The following CAPN8 variants were observed in gnomAD, a reference collection of about 807,000 sequenced individuals.
CAPN8 encodes calpain-8.
Under a neutral mutation model 80.9 loss-of-function variants are expected in CAPN8, and 87 were observed. That is an observed-to-expected ratio of 1.07 (90% CI 0.90 to 1.28). The LOEUF is 1.28. Ranked by LOEUF, CAPN8 falls within the 50% of genes most tolerant of loss-of-function variation. The pLI is 0.00. For synonymous variants in CAPN8, 299 were observed against 273.8 expected (o/e 1.09, Z -0.91); for missense variants, 757 against 702.0 (o/e 1.08, Z -0.89).
chr1:223,620,279 C>T lies in CAPN8; in HGVS notation c.900-13G>A, dbSNP rs1172479476. ...CCACTCTGGTGCACTGAGGGGAAAA[C>T]AAGCAGAGATGCTCGCTCCTGAGAG... On this transcript the variant is annotated splice_polypyrimidine_tract_variant and intron_variant, in intron 7 of 20. Transcript: ENST00000366872. 1 of 1,550,814 alleles carries T rather than the reference C, an allele frequency of 6.4e-7. No individual in the cohort carries two copies. The highest frequency in any genetic ancestry group is 8.7e-7 in the Non-Finnish European group (1 of 1,146,276).
rs1267415003 is a variant in CAPN8 at position 223,544,049 on chromosome 1, G to A, written c.2029+18C>T. Reference sequence around the variant, plus strand: ...CCTTGGGATTAATAGGATGGGGCTGGAGGACAGAGTGACTCACTGAAGAGG... The same window carrying A: ...CCTTGGGATTAATAGGATGGGGCTGAAGGACAGAGTGACTCACTGAAGAGG... On this transcript the variant is annotated intron_variant, in intron 19 of 20. Transcript: ENST00000366872. 1.4e-6 allele frequency: 1 copy of A among 717,330 alleles called. No homozygotes were observed. Among genetic ancestry groups the A allele is most frequent in the Non-Finnish European group, 2.6e-6 (1 of 385,034 alleles). The allele number at this position is 717,330 out of a possible 1,614,324, so 44.4% of individuals were successfully genotyped here.
Position 223,627,109 on chromosome 1 carries a change from C to T in CAPN8, c.609G>A (p.Gly203=), listed in dbSNP as rs1385276873. The T allele has an allele frequency of 3.2e-6, 5 of 1,552,260 alleles. No homozygotes were observed. Among genetic ancestry groups the T allele is most frequent in the Non-Finnish European group, 3.5e-6 (4 of 1,147,146 alleles). Residue 203 remains glycine (G), a synonymous_variant, in exon 5 of 21, where the codon GGG becomes GGA. Coordinates refer to ENST00000366872, the MANE Select transcript of CAPN8 (RefSeq NM_001143962.2). ...AGATGCCACCTGTGAAATCCTCAAA[C>T]CCCTCCACTGTGGAACCTCCAGCGA... The part of the protein sequence containing the change: ...EALAGGSTVE[G]FEDFTGGISE...
chr1:223,639,983 G>A (rs1658005329), intron 2 of CAPN8, among the ~76,000 whole-genome samples: 1 of 152,166 alleles, frequency 6.6e-6, no homozygotes, highest in African/African-American at 2.4e-5. Flanking sequence ...TGAAATACAT[G>A]CCTTAGATCT....
chr1:223,621,466 A>G (rs1395625794), intron 7 of CAPN8, among the ~76,000 whole-genome samples: 1 of 152,158 alleles, frequency 6.6e-6, no homozygotes, highest in Admixed American at 6.5e-5. Flanking sequence ...AGCCCTTTGG[A>G]CAGCTCGGTA....
intron 1 of CAPN8, among the ~76,000 whole-genome samples, chr1:223,664,254 C>G (rs959563260): frequency 6.6e-6 from 1 of 152,222 alleles, no homozygotes; most frequent in Admixed American, 6.5e-5. Context: ...TCCCACCTCT[C>G]CACTCACCAG....
chr1:223,620,451 G>C (rs563947118), intron 7 of CAPN8, among the ~76,000 whole-genome samples, 185 bp from the exon 8 acceptor site: 1 of 152,296 alleles, frequency 6.6e-6, no homozygotes, highest in East Asian at 1.9e-4. Context: ...CACAGACCCA[G>C]GACACGGACT....
intron 2 of CAPN8, among the ~76,000 whole-genome samples, chr1:223,629,412 A>C (rs1308148416): frequency 6.6e-6 from 1 of 152,218 alleles, no homozygotes; most frequent in African/African-American, 2.4e-5. Context: ...AAGAAATAAA[A>C]GTCAAGAGAG....
At chr1:223,616,927 T>G (rs1657208568) in intron 9 of CAPN8, 1 of 152,264 alleles carries the variant, frequency 6.6e-6, no homozygotes, top group African/African-American at 2.4e-5. Context: ...TGGCTTTTTT[T>G]AAATCTCTCA....
chr1:223,662,842 A>T (rs1658683206), intron 1 of CAPN8, among the ~76,000 whole-genome samples: 1 of 152,220 alleles, frequency 6.6e-6, no homozygotes, highest in Non-Finnish European at 1.5e-5. Flanking sequence ...CATTCAATGC[A>T]TGTTCCTCAT....
chr1:223,549,194 C>A, intron 16 of CAPN8, 124 bp downstream of exon 16: 1 of 1,244,402 alleles, frequency 8.0e-7, no homozygotes, highest in Non-Finnish European at 1.1e-6. Flanking sequence ...ACATATGCTC[C>A]ATGCCTGCTC....
chr1:223,621,632 T>C (rs1345704633), intron 7 of CAPN8, among the ~76,000 whole-genome samples: 2 of 152,126 alleles, frequency 1.3e-5, no homozygotes, highest in Non-Finnish European at 2.9e-5. Context: ...TGTGTGGCCC[T>C]AGAGACACGT....
At chr1:223,543,305 C>A in intron 19 of CAPN8, 139 bp from the exon 20 acceptor site, 3 of 1,023,728 alleles carry the variant, frequency 2.9e-6, no homozygotes, top group Non-Finnish European at 4.2e-6. Flanking sequence ...CCAGCCCCCA[C>A]CTAGGCCCAG....
intron 7 of CAPN8, 66 bp from the exon 8 acceptor site, chr1:223,620,332 T>C: frequency 7.2e-7 from 1 of 1,383,336 alleles, no homozygotes; most frequent in Non-Finnish European, 1.0e-6. Context: ...AGCTGTTTAC[T>C]GCAGCTAAGC....
At chr1:223,630,380 A>C (rs896137430) in intron 2 of CAPN8, among the ~76,000 whole-genome samples, 1 of 152,092 alleles carries the variant, frequency 6.6e-6, no homozygotes, top group African/African-American at 2.4e-5. Context: ...TCTGTTGCCC[A>C]GGCTGGAGTA....
chr1:223,628,375 T>C (rs548781952), intron 3 of CAPN8, among the ~76,000 whole-genome samples: 2 of 152,292 alleles, frequency 1.3e-5, no homozygotes, highest in East Asian at 1.9e-4. Context: ...CGCCACCTAG[T>C]GGCAGCAGGA....
chr1:223,642,731 A>G, intron 2 of CAPN8: 1 of 433,076 alleles, frequency 2.3e-6, no homozygotes, highest in Non-Finnish European at 4.5e-6. Context: ...AAGAAAAAAA[A>G]GCAAGCAAAC....
intron 7 of CAPN8, among the ~76,000 whole-genome samples, chr1:223,621,640 C>T (rs142754562): frequency 2.0e-5 from 3 of 152,176 alleles, no homozygotes; most frequent in African/African-American, 4.8e-5. Context: ...CCTAGAGACA[C>T]GTGTTTCTTC....
intron 2 of CAPN8, among the ~76,000 whole-genome samples, chr1:223,653,060 T>C (rs563405225): frequency 6.6e-6 from 1 of 151,756 alleles, no homozygotes; most frequent in South Asian, 2.1e-4. Flanking sequence ...CTGAGGCGCC[T>C]TCGAAGTTGT....
intron 16 of CAPN8, among the ~76,000 whole-genome samples, chr1:223,545,821 C>CTTTTTTTTT (rs141485616): frequency 2.0e-5 from 2 of 98,580 alleles, no homozygotes; most frequent in African/African-American, 4.3e-5. Context: ...CACTCCACAA[C>CTTTTTTTTT]TTTTTTTTTT....
Sources: gnomAD v4.1 joint callset for allele counts (sites outside exome capture counted in the v4.1 genomes callset) on GRCh38, gnomAD v4.1.1 for gene constraint, MANE v1.5 for transcripts, NCBI Gene and HGNC (gene_info 2026-07-23, HGNC 2026-07-21) for gene names.